SGCZ: variants seen among roughly 807,000 people sequenced by gnomAD.
SGCZ encodes sarcoglycan zeta.
SGCZ carries 40 observed loss-of-function variants against 41.3 expected under a neutral mutation model. The ratio of observed to expected loss-of-function variants is 0.97; its 90% confidence interval spans 0.75 to 1.26. The LOEUF (loss-of-function observed/expected upper bound fraction) is 1.26. Ranked by LOEUF, SGCZ falls within the 50% of genes most tolerant of loss-of-function variation. SGCZ has a pLI of 0.00. For missense variants in SGCZ, 552 were observed against 369.8 expected, an observed-to-expected ratio of 1.49 and a Z score of -4.04; for synonymous variants, 206 against 137.5, an observed-to-expected ratio of 1.50 and a Z score of -3.49.
At chr8:14,290,479 C>A (rs11203592) in intron 3 of SGCZ, among the ~76,000 whole-genome samples, 1 of 151,890 alleles carries the variant, frequency 6.6e-6, no homozygotes, top group South Asian at 2.1e-4. Flanking sequence ...GAAACTCAAA[C>A]AACTCAATAA....
chr8:14,667,205 G>C (rs1807938361), intron 1 of SGCZ, among the ~76,000 whole-genome samples: 1 of 152,110 alleles, frequency 6.6e-6, no homozygotes, highest in Non-Finnish European at 1.5e-5. Context: ...AAAAGTTTTG[G>C]AGAGGGCATC....
chr8:14,434,588 C>A (rs1057395308), intron 2 of SGCZ, among the ~76,000 whole-genome samples: 10 of 152,136 alleles, frequency 6.6e-5, no homozygotes, highest in African/African-American at 9.7e-5. Flanking sequence ...ATTGATTCTA[C>A]CCACCCATGA....
intron 1 of SGCZ, among the ~76,000 whole-genome samples, chr8:15,014,165 C>T (rs1802937472): frequency 6.6e-6 from 1 of 152,156 alleles, no homozygotes; most frequent in South Asian, 2.1e-4. Context: ...TGAAAACAAG[C>T]CTGGAGCACT....
At position 14,607,305 on chromosome 8, in the gene SGCZ, T is replaced by C. The variant is rs529487335; in HGVS notation, c.40-52379A>G. Among the ~76,000 whole-genome samples, 22 of 152,328 alleles carry C rather than the reference T, an allele frequency of 1.4e-4. 1 individual carries two copies. The East Asian group carries it at 4.2e-3, about 29-fold the overall frequency. On this transcript the variant is annotated intron_variant, in intron 1 of 7. Transcript: ENST00000382080. ...CCAAATTGTTAATTATCCTTCAGAT[T>C]GTACATTTCCAATATTAATATTTTT...
intron 5 of SGCZ, among the ~76,000 whole-genome samples, chr8:14,154,260 G>GCCT: frequency 6.6e-6 from 1 of 152,014 alleles, no homozygotes; most frequent in Non-Finnish European, 1.5e-5. Flanking sequence ...GTCCCAGCTA[G>GCCT]CAGGAGGCTG....
chr8:14,401,535 G>C (rs548865400), intron 2 of SGCZ, among the ~76,000 whole-genome samples: 1 of 148,236 alleles, frequency 6.7e-6, no homozygotes, highest in African/African-American at 2.5e-5. Context: ...AGAATATGCG[G>C]TGTTTGGTTT....
Position 14,861,597 on chromosome 8 carries a change from A to G in SGCZ, c.40-306671T>C, listed in dbSNP as rs1231073922. On this transcript the variant is annotated intron_variant, in intron 1 of 7. Coordinates refer to ENST00000382080, the MANE Select transcript of SGCZ (RefSeq NM_139167.4). Reference sequence around the variant, plus strand: ...TTTTCTTTACATGGAGTGATATTAAATAGCAAATATCATTTTGACTACCTG... The same window carrying G: ...TTTTCTTTACATGGAGTGATATTAAGTAGCAAATATCATTTTGACTACCTG... 3.3e-5 allele frequency among the ~76,000 whole-genome samples: 5 copies of G among 152,282 alleles called. No individual in the cohort carries two copies. In the East Asian group the frequency reaches 9.7e-4, roughly 29 times the overall value.
chr8:14,589,654 T>G (rs1307301641), intron 1 of SGCZ, among the ~76,000 whole-genome samples: 1 of 152,198 alleles, frequency 6.6e-6, no homozygotes, highest in Non-Finnish European at 1.5e-5. Context: ...ATAATATTCA[T>G]AGTTGCATTT....
At chr8:14,626,723 C>A (rs1322511552) in intron 1 of SGCZ, among the ~76,000 whole-genome samples, 1 of 152,102 alleles carries the variant, frequency 6.6e-6, no homozygotes, top group African/African-American at 2.4e-5. Context: ...AAATTGCTAG[C>A]AAATTCTAAG....
intron 1 of SGCZ, among the ~76,000 whole-genome samples, chr8:15,190,523 G>T (rs1277760563): frequency 6.6e-6 from 1 of 152,108 alleles, no homozygotes; most frequent in African/African-American, 2.4e-5. Flanking sequence ...TTACAATAAA[G>T]CTTTCTTGAA....
At chr8:14,398,280 A>T (rs1278824434) in intron 2 of SGCZ, among the ~76,000 whole-genome samples, 1 of 152,154 alleles carries the variant, frequency 6.6e-6, no homozygotes, top group Non-Finnish European at 1.5e-5. Context: ...TGAAATGAGA[A>T]CAGTGTGACC....
chr8:14,575,293 T>C (rs1804673328), intron 1 of SGCZ, among the ~76,000 whole-genome samples: 1 of 152,140 alleles, frequency 6.6e-6, no homozygotes, highest in African/African-American at 2.4e-5. Context: ...GATGTACAGG[T>C]ATGGCTACTT....
intron 1 of SGCZ, among the ~76,000 whole-genome samples, chr8:14,904,851 T>C (rs564018180): frequency 5.5e-4 from 83 of 152,136 alleles, no homozygotes; most frequent in African/African-American, 2.0e-3. Flanking sequence ...TATTCCTTTA[T>C]GATGTTTTAT....
chr8:14,184,039 A>G (rs1563172375), intron 4 of SGCZ, among the ~76,000 whole-genome samples: 1 of 152,190 alleles, frequency 6.6e-6, no homozygotes, highest in Non-Finnish European at 1.5e-5. Context: ...CGAAAGGTAA[A>G]TGATGCTATG....
chr8:15,226,388 T>C (rs932282710), intron 1 of SGCZ, among the ~76,000 whole-genome samples: 5 of 152,182 alleles, frequency 3.3e-5, no homozygotes, highest in Non-Finnish European at 7.3e-5. Context: ...AACTCAAAGA[T>C]TTCATCAAGA....
Position 14,153,198 on chromosome 8 carries a change from ATTT to A in SGCZ, c.547+11379_547+11381del, listed in dbSNP as rs1803764113. The stretch of plus-strand genomic sequence containing the variant: ...GAATGTTGCAGATTCTCTCTGTATT[ATTT>A]GTTACAACTGTATGTACACTGATAA... On this transcript the variant is annotated intron_variant, in intron 5 of 7. Transcript: ENST00000382080. Among the ~76,000 whole-genome samples the A allele has an allele frequency of 2.6e-5, 4 of 152,298 alleles. No individual in the cohort carries two copies. In the South Asian group the frequency reaches 8.3e-4, roughly 32 times the overall value.
chr8:15,036,506 T>C (rs1427022970), intron 1 of SGCZ, among the ~76,000 whole-genome samples: 2 of 152,050 alleles, frequency 1.3e-5, no homozygotes, highest in African/African-American at 2.4e-5. Context: ...ACCCCCATGA[T>C]ACATGTTTAC....
At chr8:14,645,849 G>C (rs1373840549) in intron 1 of SGCZ, among the ~76,000 whole-genome samples, 1 of 151,654 alleles carries the variant, frequency 6.6e-6, no homozygotes, top group Non-Finnish European at 1.5e-5. Flanking sequence ...TTTGCATTAT[G>C]AAAGCATTGT....
chr8:14,972,053 G>A (rs556779529), intron 1 of SGCZ, among the ~76,000 whole-genome samples: 2 of 152,072 alleles, frequency 1.3e-5, no homozygotes, highest in African/African-American at 4.8e-5. Flanking sequence ...TTCATAGAAT[G>A]AGTTGTAGTT....
Sources: gnomAD v4.1 joint callset for allele counts (sites outside exome capture counted in the v4.1 genomes callset) on GRCh38, gnomAD v4.1.1 for gene constraint, MANE v1.5 for transcripts, NCBI Gene and HGNC (gene_info 2026-07-23, HGNC 2026-07-21) for gene names.